Variants in PPFIBP1 observed in about 807,000 individuals in gnomAD.
PPFIBP1 encodes PPFIB scaffold protein 1, also known as liprin-beta-1.
Under a neutral mutation model 137.8 loss-of-function variants are expected in PPFIBP1, and 112 were observed. The ratio of observed to expected loss-of-function variants is 0.81; its 90% CI spans 0.70 to 0.95. PPFIBP1 has a LOEUF of 0.95. Ranked by LOEUF, PPFIBP1 falls within the 40% of genes least tolerant of loss-of-function variation. The pLI is 0.00. For missense variants in PPFIBP1, 1,083 were observed against 1,196.6 expected (o/e 0.91, Z 1.40); for synonymous variants, 378 against 417.3 (o/e 0.91, Z 1.15).
At chr12:27,616,023 G>T (rs908682262) in intron 2 of PPFIBP1, among the ~76,000 whole-genome samples, 4 of 152,154 alleles carry the variant, frequency 2.6e-5, no homozygotes, top group Non-Finnish European at 5.9e-5. Context: ...TAGTATGTTT[G>T]TTCTAAATCG....
chr12:27,658,696 T>G, intron 9 of PPFIBP1, 120 bp from the exon 10 acceptor site: 1 of 1,097,840 alleles, frequency 9.1e-7, no homozygotes, highest in South Asian at 1.4e-5. Context: ...CTGAAAAAGT[T>G]TTTATGAGGT....
At chr12:27,589,558 C>T (rs373030221) in intron 2 of PPFIBP1, among the ~76,000 whole-genome samples, 20 of 152,324 alleles carry the variant, frequency 1.3e-4, no homozygotes, top group African/African-American at 4.8e-4. Context: ...GTATGGAAAG[C>T]TTACTTTACT....
rs2061659116 is a variant in PPFIBP1 at position 27,693,488 on chromosome 12, T to C, written c.*606T>C. On this transcript the variant is annotated 3_prime_UTR_variant, in exon 30 of 30. Coordinates refer to ENST00000228425, the MANE Select transcript of PPFIBP1 (RefSeq NM_003622.4). ...TCAAAACAATCTGGTGATCAGAATG[T>C]TCATATACCAGCTGGTTTCTGAAGA... 6.6e-6 allele frequency: 1 copy of C among 152,222 alleles called. No individual in the cohort carries two copies. Among genetic ancestry groups the C allele is most frequent in the Non-Finnish European group, 1.5e-5 (1 of 68,062 alleles). The allele number at this position is 152,222 out of a possible 1,614,324, so 9.4% of individuals were successfully genotyped here. A position where few individuals can be genotyped will look rare whatever the true frequency, so the allele number is the denominator to read the frequency against.
rs535132439 is a variant in PPFIBP1, at chr12:27,624,090, A to G, written c.-35-9272A>G. The stretch of plus-strand genomic sequence containing the variant: ...CCAGGACAAAGAAGAGGGTCCAAGC[A>G]GTAGGGGGATCAGTGCATGTCATGG... On this transcript the variant is annotated intron_variant, in intron 2 of 29. Transcript: ENST00000228425. Among the ~76,000 whole-genome samples, 9 of 152,176 alleles carry G rather than the reference A, an allele frequency of 5.9e-5. No homozygotes were observed. In the South Asian group the frequency reaches 1.9e-3, roughly 32 times the overall value.
At chr12:27,564,656 G>C (rs1399579068) in intron 1 of PPFIBP1, among the ~76,000 whole-genome samples, 2 of 152,170 alleles carry the variant, frequency 1.3e-5, no homozygotes, top group African/African-American at 4.8e-5. Flanking sequence ...ATGTGTGTCT[G>C]TCAGCTAATA....
chr12:27,564,573 C>A (rs2049478023), intron 1 of PPFIBP1, among the ~76,000 whole-genome samples: 1 of 152,100 alleles, frequency 6.6e-6, no homozygotes, highest in Non-Finnish European at 1.5e-5. Flanking sequence ...ACTAACTTGT[C>A]CCTCTTGTGC....
At chr12:27,655,264 A>C (rs1424456494) in intron 8 of PPFIBP1, 1 of 1,389,058 alleles carries the variant, frequency 7.2e-7, no homozygotes, top group Non-Finnish European at 9.9e-7. Context: ...GATGGGGTCC[A>C]TGGCCTGTTG....
At chr12:27,594,851 A>G (rs1328340366) in intron 2 of PPFIBP1, among the ~76,000 whole-genome samples, 1 of 152,234 alleles carries the variant, frequency 6.6e-6, no homozygotes, top group East Asian at 1.9e-4. Flanking sequence ...ATATATCCAC[A>G]TATCCATATA....
At chr12:27,661,486 C>A (rs200085751) in intron 11 of PPFIBP1, among the ~76,000 whole-genome samples, 28 of 147,380 alleles carry the variant, frequency 1.9e-4, no homozygotes, top group African/African-American at 5.8e-4. Flanking sequence ...CCTCCCCCCC[C>A]AGTTGGTTCT....
intron 1 of PPFIBP1, among the ~76,000 whole-genome samples, chr12:27,572,335 A>G (rs1207231110): frequency 6.6e-6 from 1 of 152,190 alleles, no homozygotes; most frequent in African/African-American, 2.4e-5. Context: ...ATTACTCTAC[A>G]TATGTTTACT....
chr12:27,635,305 T>A (rs2057577647), intron 4 of PPFIBP1, 190 bp downstream of exon 4: 1 of 625,710 alleles, frequency 1.6e-6, no homozygotes, highest in Non-Finnish European at 2.8e-6. Context: ...TAGTGTACAT[T>A]TTGTAAATAC....
Position 27,690,188 on chromosome 12 carries a change from C to T in PPFIBP1, c.2685+985C>T, listed in dbSNP as rs139045720. Among the ~76,000 whole-genome samples, 432 of 148,718 alleles carry T rather than the reference C, an allele frequency of 2.9e-3. 3 individuals carry two copies. The highest frequency in any genetic ancestry group is 0.011 in the African/African-American group (419 of 39,868). ...CACTCCTACTCGGATTTTTTTTTTT[C>T]AAGCAAATGTGGAGGGATGCAAACC... On this transcript the variant is annotated intron_variant, in intron 27 of 29. Transcript: ENST00000228425.
intron 19 of PPFIBP1, among the ~76,000 whole-genome samples, chr12:27,679,220 G>T (rs541705089): frequency 6.6e-6 from 1 of 152,286 alleles, no homozygotes; most frequent in African/African-American, 2.4e-5. Context: ...ATTCCATTAT[G>T]AATTGAAATC....
At chr12:27,538,371 C>T (rs1945281024) in intron 1 of PPFIBP1, 1 of 152,160 alleles carries the variant, frequency 6.6e-6, no homozygotes, top group African/African-American at 2.4e-5. Context: ...TTTGAAGGTT[C>T]CTTCCAGCCC....
In PPFIBP1 at chr12:27,693,106, AT is replaced by A. The variant is rs1010052062; in HGVS notation, c.*225del. 1 of 530,028 alleles carries A rather than the reference AT, an allele frequency of 1.9e-6. No individual in the cohort carries two copies. Among genetic ancestry groups the A allele is most frequent in the African/African-American group, 1.9e-5 (1 of 51,748 alleles). The allele number at this position is 530,028 out of a possible 1,614,324, so 32.8% of individuals were successfully genotyped here. On this transcript the variant is annotated 3_prime_UTR_variant, in exon 30 of 30. Transcript: ENST00000228425. The stretch of plus-strand genomic sequence containing the variant: ...AGTATAATTGTTTTTCTTCTATTTA[AT>A]GTAAAAATCTGTGATATATTATATT...
At chr12:27,675,536 A>G (rs1396609187) in intron 17 of PPFIBP1, among the ~76,000 whole-genome samples, 1 of 152,204 alleles carries the variant, frequency 6.6e-6, no homozygotes, top group Non-Finnish European at 1.5e-5. Context: ...AGAGGGAAAG[A>G]ATAGAGAAAT....
At chr12:27,604,615 A>G (rs2054322079) in intron 2 of PPFIBP1, among the ~76,000 whole-genome samples, 1 of 152,256 alleles carries the variant, frequency 6.6e-6, no homozygotes, top group South Asian at 2.1e-4. Context: ...AAATTAAGCT[A>G]TGGGAGGCTC....
At chr12:27,671,598 C>T (rs2060203995) in intron 14 of PPFIBP1, 52 bp downstream of exon 14, 2 of 1,186,796 alleles carry the variant, frequency 1.7e-6, no homozygotes, top group East Asian at 5.1e-5. Flanking sequence ...GTAGATCAGC[C>T]AAAGACAAGG....
At chr12:27,597,746 G>A (rs1378987433) in intron 2 of PPFIBP1, among the ~76,000 whole-genome samples, 2 of 152,152 alleles carry the variant, frequency 1.3e-5, no homozygotes, top group Non-Finnish European at 2.9e-5. Flanking sequence ...GAGGATAGAA[G>A]AGCTTCAAAG....
Sources: allele counts gnomAD v4.1 joint callset (sites outside exome capture counted in the v4.1 genomes callset), GRCh38; gene constraint gnomAD v4.1.1; transcripts MANE v1.5; gene names NCBI Gene and HGNC (gene_info 2026-07-23, HGNC 2026-07-21).